LRP1B: variants seen among roughly 807,000 people sequenced by gnomAD.
LRP1B encodes the protein low-density lipoprotein receptor-related protein 1B.
In LRP1B, 217 loss-of-function variants were observed where a neutral mutation model predicts 556.6. The observed-to-expected ratio is 0.39, with a 90% confidence interval of 0.35 to 0.44. LRP1B has a LOEUF of 0.44. Among genes scored for constraint, LRP1B ranks in the 20% least tolerant of loss-of-function variants. The pLI is 1.00. For synonymous variants in LRP1B, 2,047 were observed against 1,865.8 expected (o/e 1.10, Z -2.50); for missense variants, 5,053 against 5,620.8 (o/e 0.90, Z 3.23).
chr2:140,640,489 G>A (rs1157896993), intron 41 of LRP1B, among the ~76,000 whole-genome samples: 51 of 124,968 alleles, frequency 4.1e-4, no homozygotes, highest in Non-Finnish European at 6.4e-4. Context: ...TCCGCCTCCC[G>A]GGTTCACGCC....
chr2:141,590,041 G>T (rs1466934395), intron 2 of LRP1B, among the ~76,000 whole-genome samples: 1 of 152,060 alleles, frequency 6.6e-6, no homozygotes, highest in Non-Finnish European at 1.5e-5. Context: ...GTTTTGAAAT[G>T]CAATGGGTTG....
At chr2:142,032,536 CA>C (rs897228200) in intron 1 of LRP1B, among the ~76,000 whole-genome samples, 2 of 151,818 alleles carry the variant, frequency 1.3e-5, no homozygotes, top group Non-Finnish European at 2.9e-5. Flanking sequence ...CTTATTACCC[CA>C]AACATTAGCT....
intron 41 of LRP1B, among the ~76,000 whole-genome samples, chr2:140,613,388 C>A (rs868206076): frequency 8.2e-4 from 70 of 85,228 alleles, no homozygotes; most frequent in Middle Eastern, 5.4e-3. Context: ...TAATTATATA[C>A]ATATAAATAT....
At chr2:140,865,677 T>C (rs1191428708) in intron 27 of LRP1B, among the ~76,000 whole-genome samples, 6 of 152,084 alleles carry the variant, frequency 3.9e-5, no homozygotes, top group South Asian at 2.1e-4. Context: ...AAATAGCAAG[T>C]TCTTTTCATA....
intron 83 of LRP1B, among the ~76,000 whole-genome samples, chr2:140,305,330 G>T (rs9753254): frequency 0.31 from 47,124 of 151,954 alleles, 8,101 homozygotes; most frequent in Non-Finnish European, 0.4. Flanking sequence ...CTTTTATTTT[G>T]TTGAGCAGTG....
At chr2:140,660,039 T>A (rs749774492) in intron 41 of LRP1B, among the ~76,000 whole-genome samples, 6 of 152,112 alleles carry the variant, frequency 3.9e-5, no homozygotes, top group Non-Finnish European at 7.4e-5. Context: ...TAATGCTTAC[T>A]TTTATCAATG....
chr2:140,738,728 A>G (rs1688033531), intron 35 of LRP1B, among the ~76,000 whole-genome samples: 1 of 152,034 alleles, frequency 6.6e-6, no homozygotes, highest in Non-Finnish European at 1.5e-5. Context: ...TCCTAATCTC[A>G]TGTCTCTATC....
chr2:141,419,627 T>C lies in LRP1B; in HGVS notation c.343+60769A>G, dbSNP rs559934363. Among the ~76,000 whole-genome samples the C allele has an allele frequency of 6.4e-4, 98 of 152,244 alleles. 1 individual carries two copies. The highest frequency in any genetic ancestry group is 2.3e-3 in the African/African-American group (96 of 41,582). ...GTAACAATCTGTAATGTCTCCTTTT[T>C]CATTTCTGATTTTATGAGTCTTCTC... On this transcript the variant is annotated intron_variant, in intron 3 of 90. Coordinates refer to ENST00000389484, the MANE Select transcript of LRP1B (RefSeq NM_018557.3).
At chr2:140,929,392 AAATT>A (rs1461875514) in intron 20 of LRP1B, among the ~76,000 whole-genome samples, 2 of 152,062 alleles carry the variant, frequency 1.3e-5, no homozygotes, top group Non-Finnish European at 2.9e-5. Context: ...GCAGAGGAAA[AAATT>A]AAATGGAACA....
chr2:142,069,924 G>A (rs545882048), intron 1 of LRP1B, among the ~76,000 whole-genome samples: 1 of 151,828 alleles, frequency 6.6e-6, no homozygotes, highest in East Asian at 1.9e-4. Flanking sequence ...GTCTAACAAG[G>A]ATTTTTATGA....
chr2:140,720,436 A>T (rs1437101200), intron 35 of LRP1B, among the ~76,000 whole-genome samples: 1 of 152,018 alleles, frequency 6.6e-6, no homozygotes, highest in Non-Finnish European at 1.5e-5. Flanking sequence ...CCATATAGGG[A>T]AATCGGCAGC....
intron 3 of LRP1B, 148 bp from the exon 4 acceptor site, chr2:141,254,789 T>C (rs1179320642): frequency 1.8e-6 from 1 of 550,524 alleles, no homozygotes; most frequent in African/African-American, 2.0e-5. Flanking sequence ...TTACCTAAAA[T>C]ATGTTAGTTT....
intron 3 of LRP1B, among the ~76,000 whole-genome samples, chr2:141,337,291 T>C (rs182192683): frequency 5.3e-5 from 8 of 152,362 alleles, no homozygotes; most frequent in African/African-American, 1.2e-4. Flanking sequence ...TCCATAATAG[T>C]TGACAATGTT....
intron 66 of LRP1B, among the ~76,000 whole-genome samples, chr2:140,398,741 G>A (rs1008033340): frequency 3.9e-5 from 6 of 152,032 alleles, no homozygotes; most frequent in African/African-American, 1.2e-4. Context: ...CACGAAAACT[G>A]TATCTCTAAT....
intron 7 of LRP1B, among the ~76,000 whole-genome samples, chr2:141,130,596 G>A (rs1001224327): frequency 2.6e-5 from 4 of 152,044 alleles, no homozygotes; most frequent in African/African-American, 4.8e-5. Flanking sequence ...ACATGACAGA[G>A]TTGTACCCGT....
intron 2 of LRP1B, among the ~76,000 whole-genome samples, chr2:141,585,364 A>T (rs1368694843): frequency 6.6e-6 from 1 of 151,958 alleles, no homozygotes; most frequent in East Asian, 1.9e-4. Context: ...TCAATGCAAA[A>T]TACTCATGTT....
At chr2:141,891,810 G>A (rs920108) in intron 1 of LRP1B, among the ~76,000 whole-genome samples, 131,121 of 151,622 alleles carry the variant, frequency 0.86, 56,845 homozygotes, top group East Asian at 1. Context: ...AAAGGTCTCA[G>A]TGGATCAAAC....
rs1192189235 is a variant in LRP1B at position 141,712,836 on chromosome 2, A to ATTTTTTTTTTT, written c.205+97432_205+97442dup. Among the ~76,000 whole-genome samples the ATTTTTTTTTTT allele has an allele frequency of 2.0e-3, 206 of 103,328 alleles. 17 individuals carry two copies. The highest frequency in any genetic ancestry group is 5.3e-3 in the South Asian group (14 of 2,658). 67.8% of individuals were successfully genotyped at this position (103,328 alleles called of 152,430 possible). A position where few individuals can be genotyped will look rare whatever the true frequency, so the allele number is the denominator to read the frequency against. On this transcript the variant is annotated intron_variant, in intron 2 of 90. Transcript: ENST00000389484. Reference sequence around the variant, plus strand: ...AGGTGCCTGCCACCATGCCCAGCTAATTTTTTTTTTTTTTTTTTTTTTTAG... The same window carrying ATTTTTTTTTTT: ...AGGTGCCTGCCACCATGCCCAGCTAATTTTTTTTTTTTTTTTTTTTTTTTTTTTTTTTTTAG...
At chr2:140,869,028 A>G (rs78592658) in intron 25 of LRP1B, among the ~76,000 whole-genome samples, 1,612 of 152,102 alleles carry the variant, frequency 0.011, 23 homozygotes, top group African/African-American at 0.032. Flanking sequence ...ACTTCCATCC[A>G]TGTCTTACCC....
Sources: allele counts gnomAD v4.1 joint callset (sites outside exome capture counted in the v4.1 genomes callset), GRCh38; gene constraint gnomAD v4.1.1; transcripts MANE v1.5; gene names NCBI Gene and HGNC (gene_info 2026-07-23, HGNC 2026-07-21).